Variants in RANBP17 observed in about 807,000 individuals in gnomAD.
RANBP17 encodes the protein ran-binding protein 17.
In RANBP17, 158 loss-of-function variants were observed where a neutral mutation model predicts 141.2. The observed-to-expected ratio is 1.12, with a 90% CI of 0.98 to 1.28. The LOEUF (loss-of-function observed/expected upper bound fraction) is 1.28, where lower values mean the gene tolerates loss of function less well. Ranked by LOEUF, RANBP17 falls within the 50% of genes most tolerant of loss-of-function variation. The pLI is 0.00. For synonymous variants in RANBP17, 430 were observed against 450.0 expected (o/e 0.96, Z 0.56); for missense variants, 1,438 against 1,290.7 (o/e 1.11, Z -1.75).
intron 14 of RANBP17, among the ~76,000 whole-genome samples, chr5:170,982,866 T>C (rs1249310275): frequency 6.6e-6 from 1 of 152,130 alleles, no homozygotes; most frequent in African/African-American, 2.4e-5. Context: ...TTCAAAGGAC[T>C]AAGAATGAAA....
intron 24 of RANBP17, chr5:171,252,946 T>C (rs1343636503): frequency 1.4e-5 from 20 of 1,451,012 alleles, no homozygotes; most frequent in Non-Finnish European, 3.9e-6. Context: ...CTCAAAGAAC[T>C]CTGAGTCTGG....
chr5:170,917,146 G>A (rs1772044346), intron 9 of RANBP17, among the ~76,000 whole-genome samples: 1 of 152,048 alleles, frequency 6.6e-6, no homozygotes, highest in African/African-American at 2.4e-5. Context: ...CTATGCTTCT[G>A]TCTTTTACCA....
intron 25 of RANBP17, among the ~76,000 whole-genome samples, chr5:171,288,332 C>T (rs1768289916): frequency 6.6e-6 from 1 of 152,206 alleles, no homozygotes; most frequent in Non-Finnish European, 1.5e-5. Context: ...AGGAGGTACA[C>T]ATGGACCACA....
At chr5:171,000,093 T>G (rs1779096618) in intron 14 of RANBP17, among the ~76,000 whole-genome samples, 1 of 152,224 alleles carries the variant, frequency 6.6e-6, no homozygotes, top group South Asian at 2.1e-4. Context: ...ATTTTAAGAC[T>G]ATTATTCCCT....
chr5:171,230,577 A>G (rs183874683), intron 22 of RANBP17, among the ~76,000 whole-genome samples: 6 of 152,260 alleles, frequency 3.9e-5, no homozygotes, highest in African/African-American at 1.4e-4. Flanking sequence ...CCTGGCCAAC[A>G]TGGCGAAACC....
intron 14 of RANBP17, among the ~76,000 whole-genome samples, chr5:171,065,824 A>T (rs1444089134): frequency 6.6e-6 from 1 of 151,718 alleles, no homozygotes; most frequent in Non-Finnish European, 1.5e-5. Context: ...CCTTTCACAG[A>T]TCTTTATATT....
At chr5:170,946,058 T>C (rs1774732356) in intron 12 of RANBP17, among the ~76,000 whole-genome samples, 1 of 152,144 alleles carries the variant, frequency 6.6e-6, no homozygotes, top group African/African-American at 2.4e-5. Flanking sequence ...GTATAATAGT[T>C]TGAGAATGAA....
intron 14 of RANBP17, among the ~76,000 whole-genome samples, chr5:171,094,259 TTG>T (rs1297525621): frequency 5.9e-5 from 9 of 152,118 alleles, no homozygotes; most frequent in Middle Eastern, 3.2e-3. Context: ...TGTGTTTTAA[TTG>T]TGTGTGTTGC....
chr5:171,253,999 A>G (rs1442762084), intron 24 of RANBP17, among the ~76,000 whole-genome samples: 1 of 152,140 alleles, frequency 6.6e-6, no homozygotes, highest in African/African-American at 2.4e-5. Context: ...TATAATCCCA[A>G]CACTTTAGGA....
chr5:170,909,783 TC>T lies in RANBP17; in HGVS notation c.594+19del, dbSNP rs1226772200. The T allele has an allele frequency of 8.5e-7, 1 of 1,178,128 alleles. No individual in the cohort carries two copies. Among genetic ancestry groups the T allele is most frequent in the East Asian group, 2.4e-5 (1 of 42,550 alleles). 73.0% of individuals were successfully genotyped at this position (1,178,128 alleles called of 1,614,324 possible). A position where few individuals can be genotyped will look rare whatever the true frequency, so the allele number is the denominator to read the frequency against. On this transcript the variant is annotated intron_variant, in intron 6 of 27. Transcript: ENST00000523189. ...TAAAAGAGGTAAGTTATTTGATAAT[TC>T]AACTTCCTAGTTAGAATATTTGGGA...
chr5:171,118,508 T>C (rs1055208351), intron 14 of RANBP17, among the ~76,000 whole-genome samples: 10 of 152,190 alleles, frequency 6.6e-5, no homozygotes, highest in Admixed American at 5.2e-4. Context: ...TTTACAATAT[T>C]AAGTCTTCTG....
intron 27 of RANBP17, among the ~76,000 whole-genome samples, chr5:171,297,099 C>A (rs988283107): frequency 2.6e-5 from 4 of 152,096 alleles, no homozygotes; most frequent in African/African-American, 4.8e-5. Flanking sequence ...CACCTGGGAC[C>A]TATGACCTAC....
intron 14 of RANBP17, among the ~76,000 whole-genome samples, chr5:171,089,047 TAG>T (rs1581604463): frequency 1.3e-5 from 2 of 151,990 alleles, no homozygotes; most frequent in African/African-American, 4.8e-5. Flanking sequence ...CTCTGCGTTT[TAG>T]AGTTTCCAGT....
intron 22 of RANBP17, among the ~76,000 whole-genome samples, chr5:171,223,204 T>A (rs1271004170): frequency 6.6e-6 from 1 of 152,230 alleles, no homozygotes; most frequent in East Asian, 1.9e-4. Context: ...TTTGTAGAAT[T>A]TGAGATTTTT....
intron 13 of RANBP17, among the ~76,000 whole-genome samples, chr5:170,956,374 C>G (rs1420068356): frequency 6.6e-6 from 1 of 151,804 alleles, no homozygotes; most frequent in Non-Finnish European, 1.5e-5. Flanking sequence ...TCATTTTGTT[C>G]CATTTCCTTT....
chr5:170,920,039 CAGTT>C (rs1442518477), intron 11 of RANBP17, among the ~76,000 whole-genome samples: 2 of 152,030 alleles, frequency 1.3e-5, no homozygotes, highest in African/African-American at 4.8e-5. Flanking sequence ...GTGGATATAT[CAGTT>C]TGTTTACCAA....
chr5:170,998,368 G>T (rs1462580383), intron 14 of RANBP17, among the ~76,000 whole-genome samples: 2 of 152,122 alleles, frequency 1.3e-5, no homozygotes, highest in African/African-American at 4.8e-5. Flanking sequence ...TGTAAAAGAC[G>T]TAGAAGCCAT....
intron 14 of RANBP17, among the ~76,000 whole-genome samples, chr5:170,996,730 C>G (rs1778841762): frequency 6.6e-6 from 1 of 152,094 alleles, no homozygotes; most frequent in Non-Finnish European, 1.5e-5. Context: ...ACTACTTTTC[C>G]TTTTAGAAAA....
At position 170,968,255 on chromosome 5, in the gene RANBP17, A is replaced by G. The variant is rs367666462; in HGVS notation, c.1588A>G (p.Ile530Val). The change falls in exon 14 of 28, where the codon ATA (isoleucine) becomes GTA (valine). Residue 530 changes from isoleucine to valine, a missense_variant. By Grantham distance (29) the Ile-to-Val change is conservative. Coordinates refer to ENST00000523189, the MANE Select transcript of RANBP17 (RefSeq NM_022897.5). The part of the protein sequence containing the change: ...GELSCRVFQL[I>V]SLMDTGLPRC... ...CCCTTCATGAAGAGTTTTTCAGCTTATATCTTTAATGGATACCGGATTGCC... is the reference window on the plus strand; with the variant it reads ...CCCTTCATGAAGAGTTTTTCAGCTTGTATCTTTAATGGATACCGGATTGCC... 113 of 1,576,258 alleles carry G rather than the reference A, an allele frequency of 7.2e-5. No individual in the cohort carries two copies. Among genetic ancestry groups the G allele is most frequent in the Non-Finnish European group, 8.9e-5 (104 of 1,169,100 alleles).
Sources: gnomAD v4.1 joint callset for allele counts (sites outside exome capture counted in the v4.1 genomes callset) on GRCh38, gnomAD v4.1.1 for gene constraint, MANE v1.5 for transcripts, NCBI Gene and HGNC (gene_info 2026-07-23, HGNC 2026-07-21) for gene names.